Variants in ACBD4 observed in about 807,000 individuals in gnomAD.
The protein encoded by ACBD4 is acyl-CoA binding domain containing 4.
In ACBD4, 41 loss-of-function variants were observed where a neutral mutation model predicts 46.0. That is an observed-to-expected ratio of 0.89 (90% CI 0.69 to 1.16). ACBD4 has a LOEUF of 1.16. Ranked by LOEUF, ACBD4 falls within the 50% of genes most tolerant of loss-of-function variation. ACBD4 has a pLI of 0.00. For missense variants in ACBD4, 393 were observed against 399.5 expected (o/e 0.98, Z 0.14); for synonymous variants, 162 against 155.9 (o/e 1.04, Z -0.29).
Position 45,139,176 on chromosome 17 carries a change from C to G in ACBD4, c.789+16C>G, listed in dbSNP as rs2055099988. On this transcript the variant is annotated intron_variant, in intron 9 of 9. Coordinates refer to ENST00000321854, the MANE Select transcript of ACBD4 (RefSeq NM_001135705.3). Reference sequence around the variant, plus strand: ...CCCTGAGCAGGTAGAGTCCCCCACCCCATAGGACAAGATGATGGCAGAATC... The same window carrying G: ...CCCTGAGCAGGTAGAGTCCCCCACCGCATAGGACAAGATGATGGCAGAATC... 1.2e-6 allele frequency: 2 copies of G among 1,612,514 alleles called. No homozygotes were observed. Among genetic ancestry groups the G allele is most frequent in the African/African-American group, 1.3e-5 (1 of 74,890 alleles).
At position 45,139,137 on chromosome 17, in the gene ACBD4, A is replaced by G. The variant is rs780957691; in HGVS notation, c.766A>G (p.Ser256Gly). 1 of 1,613,664 alleles carries G rather than the reference A, an allele frequency of 6.2e-7. No homozygotes were observed. The highest frequency in any genetic ancestry group is 1.1e-5 in the South Asian group (1 of 91,084). The change falls in exon 9 of 10, where the codon AGC becomes GGC. Residue 256 changes from serine (S) to glycine (G), a missense_variant. By Grantham distance (56) the Ser-to-Gly change is moderately conservative. This residue lies in a region of ACBD4 where 308 missense variants were observed against 301.8 expected (regional missense o/e 1.02). Transcript: ENST00000321854. ...GCAGGCGAGGGTGCAGAGCCTGGAG[A>G]GCATGCCCCGGCCCCCTGAGCAGGT... ...EVQARVQSLESMPRPPEQRPQ... is the reference protein window; with the variant it reads ...EVQARVQSLEGMPRPPEQRPQ...
chr17:45,136,062 CG>C, intron 1 of ACBD4, 45 bp from the exon 2 acceptor site: 16 of 1,418,704 alleles, frequency 1.1e-5, no homozygotes, highest in South Asian at 2.4e-5. Context: ...CTTATGGTGC[CG>C]GGGGGACCCT....
upstream of ACBD4, chr17:45,135,256 G>GT (rs1404201358): frequency 6.6e-6 from 1 of 151,798 alleles, no homozygotes; most frequent in Non-Finnish European, 1.5e-5. Context: ...ATGAGCCACC[G>GT]TGCCCGACCA....
chr17:45,139,811 A>G (rs992863723), intron 9 of ACBD4, among the ~76,000 whole-genome samples: 3 of 152,200 alleles, frequency 2.0e-5, no homozygotes, highest in Admixed American at 6.5e-5. Flanking sequence ...TGAGGATTCA[A>G]CCATGCATGT....
At chr17:45,132,235 G>A, upstream of ACBD4, 1 of 1,267,280 alleles carries the variant, frequency 7.9e-7, no homozygotes, top group South Asian at 3.7e-5. This position sits in a 1 kb window ranked among gnomAD's most constrained non-coding sequence, Gnocchi z 4.6. Context: ...ACCGCCCCTT[G>A]CCCGTCACTG....
At chr17:45,142,355 T>C (rs943989611) in intron 9 of ACBD4, among the ~76,000 whole-genome samples, 9 of 114,242 alleles carry the variant, frequency 7.9e-5, no homozygotes, top group African/African-American at 2.8e-4. Context: ...ATCACGCCAT[T>C]GCACTCTAGC....
At chr17:45,138,040 G>A in intron 8 of ACBD4, 52 bp downstream of exon 8, 1 of 1,544,184 alleles carries the variant, frequency 6.5e-7, no homozygotes, top group Non-Finnish European at 8.8e-7. Context: ...CGTGGTCCTG[G>A]CACCCCAGGC....
At chr17:45,132,097 C>G, upstream of ACBD4, 12 of 899,822 alleles carry the variant, frequency 1.3e-5, no homozygotes, top group Non-Finnish European at 1.7e-5. The surrounding 1 kb of genome is among the most constrained non-coding windows in gnomAD (Gnocchi z 4.6). Context: ...AGGTGCGACC[C>G]CCAGCTGGAG....
upstream of ACBD4, chr17:45,132,622 C>A (rs575663760): frequency 3.0e-3 from 807 of 264,940 alleles, 8 homozygotes; most frequent in African/African-American, 0.018. This position sits in a 1 kb window ranked among gnomAD's most constrained non-coding sequence, Gnocchi z 4.6. Flanking sequence ...CGGGGCCAGG[C>A]GGTGGCCTGG....
chr17:45,133,894 A>T (rs961551559), upstream of ACBD4, among the ~76,000 whole-genome samples: 3 of 152,116 alleles, frequency 2.0e-5, no homozygotes, highest in African/African-American at 4.8e-5. Flanking sequence ...TCCTTCCTCC[A>T]GAAACAACCT....
chr17:45,143,663 C>T lies in ACBD4; in HGVS notation c.*92C>T. ...TTAGAAGAACAGCATTCAAAATTCC[C>T]CGTCCTGTCAGTGTTTGCCTTCGCA... is the stretch of plus-strand genomic sequence containing the variant. On this transcript the variant is annotated 3_prime_UTR_variant, in exon 10 of 10. Coordinates refer to ENST00000321854, the MANE Select transcript of ACBD4 (RefSeq NM_001135705.3). 1 of 1,604,838 alleles carries T rather than the reference C, an allele frequency of 6.2e-7. No homozygotes were observed. The highest frequency in any genetic ancestry group is 8.5e-7 in the Non-Finnish European group (1 of 1,173,868).
chr17:45,139,247 C>A, intron 9 of ACBD4, 87 bp downstream of exon 9: 1 of 1,367,174 alleles, frequency 7.3e-7, no homozygotes, highest in Non-Finnish European at 1.0e-6. Flanking sequence ...TGTTTTTGTC[C>A]TCACGCCTCC....
chr17:45,137,748 A>G lies in ACBD4; in HGVS notation c.503-12A>G, dbSNP rs751258821. 1 of 1,613,230 alleles carries G rather than the reference A, an allele frequency of 6.2e-7. No individual in the cohort carries two copies. Among genetic ancestry groups the G allele is most frequent in the African/African-American group, 1.3e-5 (1 of 74,678 alleles). ...TTCCCTCTGGGCAGTAACTCTACCA[A>G]CCCCTCCACAGAGTCCCATTCACCC... On this transcript the variant is annotated splice_polypyrimidine_tract_variant and intron_variant, in intron 6 of 9. Transcript: ENST00000321854.
chr17:45,137,704 C>G (rs182830848), intron 6 of ACBD4, 56 bp from the exon 7 acceptor site: 188 of 1,591,644 alleles, frequency 1.2e-4, no homozygotes, highest in Admixed American at 5.7e-4. Flanking sequence ...AGTGCACACT[C>G]CTGCTCTCCC....
chr17:45,137,378 G>C lies in ACBD4; in HGVS notation c.426G>C (p.Glu142Asp), dbSNP rs902831303. 2.5e-6 allele frequency: 4 copies of C among 1,614,034 alleles called. No homozygotes were observed. In the African/African-American group the frequency reaches 5.3e-5, roughly 22 times the overall value. Residue 142 changes from glutamate (E) to aspartate (D), a missense_variant, in exon 6 of 10, where the codon GAG becomes GAC. Physicochemically the swap from Glu to Asp is conservative, Grantham distance 45. Around this residue, in one of 3 missense-constraint regions of ACBD4, gnomAD observed 308 missense variants for 301.8 expected, o/e 1.02. Transcript: ENST00000321854. Reference protein sequence around the residue: ...TFLRRVTGWKEQVVNGDVGAV... With the variant: ...TFLRRVTGWKDQVVNGDVGAV... The stretch of plus-strand genomic sequence containing the variant: ...GCTGTGTCTTGGCAGGTTGGAAAGA[G>C]CAGGTTGTGAATGGAGATGTTGGGG...
At chr17:45,132,184 C>A (rs2054467167), upstream of ACBD4, 26 of 1,228,096 alleles carry the variant, frequency 2.1e-5, no homozygotes, top group Non-Finnish European at 2.6e-5. This position sits in a 1 kb window ranked among gnomAD's most constrained non-coding sequence, Gnocchi z 4.6. Context: ...CTCCCTGGAG[C>A]GCCCCAGACT....
intron 6 of ACBD4, 43 bp downstream of exon 6, chr17:45,137,497 G>C (rs779170657): frequency 6.3e-7 from 1 of 1,599,094 alleles, no homozygotes; most frequent in Non-Finnish European, 8.6e-7. Flanking sequence ...TCAGGCTGGG[G>C]GAGGGCTGGA....
upstream of ACBD4, chr17:45,132,604 T>G (rs1358988604): frequency 2.4e-3 from 408 of 170,728 alleles, 2 homozygotes; most frequent in African/African-American, 0.01. The surrounding 1 kb of genome is among the most constrained non-coding windows in gnomAD (Gnocchi z 4.6). Context: ...GCCGGGGCGG[T>G]GCGAGGGCGG....
intron 5 of ACBD4, 113 bp from the exon 6 acceptor site, chr17:45,137,255 C>T (rs2054914914): frequency 1.3e-6 from 2 of 1,597,848 alleles, no homozygotes; most frequent in Non-Finnish European, 1.7e-6. Flanking sequence ...CCCCCAAGCC[C>T]CCGAGAGGTG....
Sources: gnomAD v4.1 joint callset for allele counts (sites outside exome capture counted in the v4.1 genomes callset) on GRCh38, gnomAD v4.1.1 for gene constraint, gnomAD v4.1.1 regional missense constraint, Gnocchi (gnomAD v3.1) non-coding constraint, MANE v1.5 for transcripts, NCBI Gene and HGNC (gene_info 2026-07-23, HGNC 2026-07-21) for gene names.